EFCAB5: variants seen among roughly 807,000 people sequenced by gnomAD.
EFCAB5 encodes the protein EF-hand calcium binding domain 5.
In EFCAB5, 131 loss-of-function variants were observed where a neutral mutation model predicts 167.9. The observed-to-expected ratio is 0.78, with a 90% CI of 0.68 to 0.90. The LOEUF (loss-of-function observed/expected upper bound fraction) is 0.90. EFCAB5 is among the 40% of genes least tolerant of loss of function. The pLI is 0.00. For synonymous variants in EFCAB5, 574 were observed against 602.8 expected (o/e 0.95, Z 0.70); for missense variants, 1,663 against 1,745.2 (o/e 0.95, Z 0.84).
At chr17:29,957,323 A>C (rs1435774733) in intron 3 of EFCAB5, among the ~76,000 whole-genome samples, 1 of 151,494 alleles carries the variant, frequency 6.6e-6, no homozygotes, top group East Asian at 1.9e-4. Context: ...TTTTTTTTTA[A>C]TTTTTATTTT....
intron 7 of EFCAB5, among the ~76,000 whole-genome samples, chr17:30,030,486 G>A (rs2069451156): frequency 6.6e-6 from 1 of 152,006 alleles, no homozygotes; most frequent in South Asian, 2.1e-4. Flanking sequence ...TGGGATTACA[G>A]GCACCCACCA....
intron 8 of EFCAB5, among the ~76,000 whole-genome samples, chr17:30,037,185 A>G (rs1444804748): frequency 6.6e-6 from 1 of 152,200 alleles, no homozygotes; most frequent in African/African-American, 2.4e-5. Flanking sequence ...GGTAGGGTGT[A>G]GGTAGATGGG....
At chr17:30,036,196 TTATAA>T (rs1025579825) in intron 8 of EFCAB5, among the ~76,000 whole-genome samples, 63 of 140,766 alleles carry the variant, frequency 4.5e-4, no homozygotes, top group African/African-American at 1.5e-3. Context: ...TAAATATATC[TTATAA>T]TATATATGTA....
upstream of EFCAB5, among the ~76,000 whole-genome samples, chr17:29,938,709 A>G (rs562578712): frequency 4.6e-5 from 7 of 152,310 alleles, no homozygotes; most frequent in South Asian, 1.0e-3. Context: ...TTGCCCATCT[A>G]TAAGAAGACA....
chr17:29,950,906 C>G (rs1223701410), intron 3 of EFCAB5, among the ~76,000 whole-genome samples: 11 of 152,058 alleles, frequency 7.2e-5, no homozygotes, highest in Admixed American at 7.2e-4. Context: ...GTTCAAGGGT[C>G]AACTGTACAT....
chr17:29,933,203 G>A lies in EFCAB5; in HGVS notation c.-127+3874G>A, dbSNP rs141455444. Among the ~76,000 whole-genome samples, 223 of 152,272 alleles carry A rather than the reference G, an allele frequency of 1.5e-3. 1 individual carries two copies. Among genetic ancestry groups the A allele is most frequent in the African/African-American group, 5.1e-3 (211 of 41,542 alleles). Reference sequence around the variant, plus strand: ...GTCACCTCGGCTAGGCGCGAAAGGAGGTATGTAGAAATATAGAAGAAGTCT... The same window carrying A: ...GTCACCTCGGCTAGGCGCGAAAGGAAGTATGTAGAAATATAGAAGAAGTCT... On this transcript the variant is annotated intron_variant, in intron 1 of 3. Transcript: ENST00000448319.
In EFCAB5 at chr17:30,073,135, A is replaced by T. The variant is rs1288458499; in HGVS notation, c.2738-5080A>T. The T allele has an allele frequency of 7.2e-6, 5 of 698,148 alleles. No individual in the cohort carries two copies. The East Asian group carries it at 1.4e-4, about 19-fold the overall frequency. 43.2% of individuals were successfully genotyped at this position (698,148 alleles called of 1,614,324 possible). ...CAGTGGCGCAACTGTAGCTCACTGC[A>T]GCCTCCAACTCCCGGACTCAAGCGA... On this transcript the variant is annotated intron_variant, in intron 14 of 22. Coordinates refer to ENST00000394835, the MANE Select transcript of EFCAB5 (RefSeq NM_198529.4).
At chr17:30,093,415 C>T (rs1449093596) in intron 22 of EFCAB5, among the ~76,000 whole-genome samples, 25 of 152,190 alleles carry the variant, frequency 1.6e-4, no homozygotes, top group Admixed American at 1.6e-3. Context: ...CTCCACTGAC[C>T]TGTATTCTCC....
chr17:30,079,929 C>T (rs1161299509), intron 15 of EFCAB5, 143 bp from the exon 16 acceptor site: 1 of 950,524 alleles, frequency 1.1e-6, no homozygotes. Flanking sequence ...TTCCCCACTG[C>T]CCATGAATAG....
chr17:30,055,619 A>G (rs899939947), intron 10 of EFCAB5, among the ~76,000 whole-genome samples: 2 of 152,188 alleles, frequency 1.3e-5, no homozygotes, highest in African/African-American at 2.4e-5. Flanking sequence ...ATTGTATAGT[A>G]ATACCTAGCT....
intron 3 of EFCAB5, among the ~76,000 whole-genome samples, chr17:29,962,932 T>C (rs2067751204): frequency 1.3e-5 from 2 of 152,096 alleles, no homozygotes; most frequent in South Asian, 4.1e-4. Flanking sequence ...TCGTGTTAAC[T>C]GTGAACTTTT....
At chr17:30,074,888 T>C (rs995702204) in intron 14 of EFCAB5, among the ~76,000 whole-genome samples, 1 of 152,152 alleles carries the variant, frequency 6.6e-6, no homozygotes, top group Non-Finnish European at 1.5e-5. Flanking sequence ...CATGTGCTCA[T>C]TACTCATGAG....
chr17:30,069,151 G>A lies in EFCAB5; in HGVS notation c.2738-9064G>A, dbSNP rs371640294. The A allele has an allele frequency of 9.2e-4, 1,421 of 1,540,956 alleles. 28 individuals carry two copies. In the South Asian group the frequency reaches 0.015, roughly 16 times the overall value. ...ATCTAAGCTGGAACCAGAACCAAAT[G>A]CAAAGACAAGAGAATCCACATCTTC... On this transcript the variant is annotated intron_variant, in intron 14 of 22. Transcript: ENST00000394835.
intron 3 of EFCAB5, among the ~76,000 whole-genome samples, chr17:29,944,508 AC>A (rs1172702254): frequency 1.3e-5 from 2 of 152,090 alleles, no homozygotes; most frequent in African/African-American, 2.4e-5. Flanking sequence ...CTAGCAGGCA[AC>A]CCACTAATAC....
chr17:30,046,620 G>A (rs560919323), intron 8 of EFCAB5, among the ~76,000 whole-genome samples: 2 of 152,288 alleles, frequency 1.3e-5, no homozygotes, highest in Admixed American at 6.5e-5. Context: ...GAAAATAGAT[G>A]AGACCCTGAA....
chr17:29,944,442 A>G (rs1257868298), intron 3 of EFCAB5, among the ~76,000 whole-genome samples: 1 of 152,136 alleles, frequency 6.6e-6, no homozygotes, highest in African/African-American at 2.4e-5. Context: ...GAGGCAATTT[A>G]TGATTATTCA....
chr17:30,022,076 C>T (rs2069193141), intron 7 of EFCAB5, among the ~76,000 whole-genome samples: 1 of 152,108 alleles, frequency 6.6e-6, no homozygotes, highest in Non-Finnish European at 1.5e-5. Flanking sequence ...ATTTTCCTAG[C>T]GTATCTGTTT....
At chr17:29,939,819 A>G (rs1186266082), upstream of EFCAB5, among the ~76,000 whole-genome samples, 1 of 152,224 alleles carries the variant, frequency 6.6e-6, no homozygotes, top group Non-Finnish European at 1.5e-5. Flanking sequence ...TTGATCTTCT[A>G]TCCAGACCAC....
At chr17:29,994,608 A>G (rs2068505195) in intron 5 of EFCAB5, among the ~76,000 whole-genome samples, 1 of 152,218 alleles carries the variant, frequency 6.6e-6, no homozygotes, top group South Asian at 2.1e-4. Flanking sequence ...TAAACTTTAT[A>G]TCTCAACATA....
Sources: allele counts gnomAD v4.1 joint callset (sites outside exome capture counted in the v4.1 genomes callset), GRCh38; gene constraint gnomAD v4.1.1; transcripts MANE v1.5; gene names NCBI Gene and HGNC (gene_info 2026-07-23, HGNC 2026-07-21).